PTPRG: variants seen among roughly 807,000 people sequenced by gnomAD.
PTPRG encodes the protein receptor-type tyrosine-protein phosphatase gamma.
PTPRG carries 102 observed loss-of-function variants against 165.3 expected under a neutral mutation model. That is an observed-to-expected ratio of 0.62 (90% CI 0.53 to 0.73). The LOEUF is 0.73. PTPRG is among the 30% of genes least tolerant of loss of function. The pLI is 0.00. For missense variants in PTPRG, 1,866 were observed against 1,861.4 expected (o/e 1.00, Z -0.05); for synonymous variants, 675 against 669.5 (o/e 1.01, Z -0.13).
intron 1 of PTPRG, among the ~76,000 whole-genome samples, chr3:61,619,880 T>G (rs1701400992): frequency 6.6e-6 from 1 of 152,142 alleles, no homozygotes; most frequent in Non-Finnish European, 1.5e-5. Context: ...TGGGTAAACA[T>G]CACCTCTTAA....
rs62243194 is a variant in PTPRG at position 61,840,078 on chromosome 3, A to G, written c.190+91096A>G. Among the ~76,000 whole-genome samples, 491 of 152,314 alleles carry G rather than the reference A, an allele frequency of 3.2e-3. 1 individual carries two copies. The highest frequency in any genetic ancestry group is 0.011 in the African/African-American group (473 of 41,562). On this transcript the variant is annotated intron_variant, in intron 2 of 29. Transcript: ENST00000474889. ...ACACTTATAGTTTATATGCACATATATATTTAGATGTGTGCCTGCATTTTC... is the reference window on the plus strand; with the variant it reads ...ACACTTATAGTTTATATGCACATATGTATTTAGATGTGTGCCTGCATTTTC...
At chr3:61,958,938 C>T (rs1276563107) in intron 2 of PTPRG, among the ~76,000 whole-genome samples, 4 of 152,186 alleles carry the variant, frequency 2.6e-5, no homozygotes, top group Non-Finnish European at 4.4e-5. Flanking sequence ...CTGGGCAGTA[C>T]ATCTAGCCAG....
chr3:61,720,843 T>C (rs2032015129), intron 1 of PTPRG, among the ~76,000 whole-genome samples: 1 of 152,238 alleles, frequency 6.6e-6, no homozygotes, highest in Non-Finnish European at 1.5e-5. Context: ...TTTAGAAATA[T>C]TATCCAGTGG....
chr3:61,782,769 T>G (rs1486147712), intron 2 of PTPRG, among the ~76,000 whole-genome samples: 1 of 152,148 alleles, frequency 6.6e-6, no homozygotes, highest in Non-Finnish European at 1.5e-5. Flanking sequence ...AATAATTGCT[T>G]GAGTCTGGAT....
chr3:61,953,292 A>G lies in PTPRG; in HGVS notation c.191-36333A>G, dbSNP rs531113227. Among the ~76,000 whole-genome samples, 7 of 152,308 alleles carry G rather than the reference A, an allele frequency of 4.6e-5. No individual in the cohort carries two copies. The East Asian group carries it at 9.6e-4, about 21-fold the overall frequency. On this transcript the variant is annotated intron_variant, in intron 2 of 29. Transcript: ENST00000474889. ...ACCCACCCTTGCTCTGCTACTGACA[A>G]TGAAGAATTGCTTGAAAGGGGCAAA... is the stretch of plus-strand genomic sequence containing the variant.
chr3:62,057,683 A>G (rs1196233259), intron 4 of PTPRG, among the ~76,000 whole-genome samples: 2 of 152,198 alleles, frequency 1.3e-5, no homozygotes, highest in South Asian at 2.1e-4. Flanking sequence ...GTGCTGATGT[A>G]TGGGAGTCCA....
chr3:61,973,372 G>A (rs1370345347), intron 2 of PTPRG, among the ~76,000 whole-genome samples: 1 of 152,168 alleles, frequency 6.6e-6, no homozygotes, highest in African/African-American at 2.4e-5. Context: ...ATGGTAGATG[G>A]GAATTGACAT....
At chr3:61,768,107 A>G (rs2034091927) in intron 2 of PTPRG, among the ~76,000 whole-genome samples, 1 of 152,182 alleles carries the variant, frequency 6.6e-6, no homozygotes, top group South Asian at 2.1e-4. Context: ...TTTGTCTGTA[A>G]AATACTAGTC....
intron 2 of PTPRG, among the ~76,000 whole-genome samples, chr3:61,852,534 C>CT (rs2036993114): frequency 6.6e-6 from 1 of 152,164 alleles, no homozygotes; most frequent in African/African-American, 2.4e-5. Context: ...TAGCATCCAG[C>CT]TTCAGTGACG....
intron 2 of PTPRG, among the ~76,000 whole-genome samples, chr3:61,966,044 C>G (rs1034055005): frequency 6.6e-6 from 1 of 152,184 alleles, no homozygotes; most frequent in African/African-American, 2.4e-5. Context: ...CCACAGAATC[C>G]AGATTAGTAG....
At chr3:62,125,307 C>G (rs1429728265) in intron 5 of PTPRG, among the ~76,000 whole-genome samples, 1 of 152,140 alleles carries the variant, frequency 6.6e-6, no homozygotes, top group Non-Finnish European at 1.5e-5. Flanking sequence ...TGTGCCTTGT[C>G]TCTTATATTT....
intron 2 of PTPRG, 183 bp downstream of exon 2, chr3:61,749,165 T>G (rs2033334345): frequency 1.4e-6 from 1 of 692,682 alleles, no homozygotes. Flanking sequence ...TTAATTTATC[T>G]CTACCACCTG....
intron 1 of PTPRG, among the ~76,000 whole-genome samples, chr3:61,590,782 C>T (rs1184889890): frequency 6.6e-6 from 1 of 152,038 alleles, no homozygotes; most frequent in Non-Finnish European, 1.5e-5. Flanking sequence ...ATACATTTAG[C>T]ATAGTCTTTT....
In PTPRG at chr3:61,664,771, C is replaced by T. The variant is rs528848527; in HGVS notation, c.86-84107C>T. On this transcript the variant is annotated intron_variant, in intron 1 of 29. Coordinates refer to ENST00000474889, the MANE Select transcript of PTPRG (RefSeq NM_002841.4). ...CCTTGAGCCTGGGAGGCGGAGGTTG[C>T]GGTGAGCCGAGATCGCGCCATTGCA... 7.9e-5 allele frequency among the ~76,000 whole-genome samples: 12 copies of T among 152,204 alleles called. No homozygotes were observed. In the South Asian group the frequency reaches 1.2e-3, roughly 16 times the overall value.
rs529499670 is a variant in PTPRG, at chr3:61,962,743, A to G, written c.191-26882A>G. 2.4e-4 allele frequency among the ~76,000 whole-genome samples: 36 copies of G among 152,290 alleles called. 1 individual carries two copies. In the South Asian group the frequency reaches 2.9e-3, roughly 12 times the overall value. Reference sequence around the variant, plus strand: ...AGTAAGCATTTTTTGAATGCTTAGTATGTGTCAGGCACTGTTCTAGAAGCT... The same window carrying G: ...AGTAAGCATTTTTTGAATGCTTAGTGTGTGTCAGGCACTGTTCTAGAAGCT... On this transcript the variant is annotated intron_variant, in intron 2 of 29. Coordinates refer to ENST00000474889, the MANE Select transcript of PTPRG (RefSeq NM_002841.4).
intron 4 of PTPRG, among the ~76,000 whole-genome samples, chr3:62,055,690 CT>C (rs1347628148): frequency 6.6e-6 from 1 of 152,178 alleles, no homozygotes; most frequent in African/African-American, 2.4e-5. Context: ...CGCTTTTGTG[CT>C]TTTGCTCTTA....
chr3:62,105,718 G>A (rs1349514695), intron 5 of PTPRG, among the ~76,000 whole-genome samples: 1 of 152,170 alleles, frequency 6.6e-6, no homozygotes, highest in Non-Finnish European at 1.5e-5. Flanking sequence ...GGGCAGTTGA[G>A]GTTCTACAAA....
chr3:61,851,214 G>C (rs560109750), intron 2 of PTPRG, among the ~76,000 whole-genome samples: 9 of 152,246 alleles, frequency 5.9e-5, no homozygotes, highest in African/African-American at 1.9e-4. Context: ...AGGGGAGTTG[G>C]GGAAATCTCT....
At chr3:61,982,179 C>T (rs549503948) in intron 2 of PTPRG, among the ~76,000 whole-genome samples, 70 of 152,248 alleles carry the variant, frequency 4.6e-4, no homozygotes, top group Middle Eastern at 3.4e-3. Context: ...TTGAAAACTT[C>T]AGGTCTGGAA....
Sources: gnomAD v4.1 joint callset for allele counts (sites outside exome capture counted in the v4.1 genomes callset) on GRCh38, gnomAD v4.1.1 for gene constraint, MANE v1.5 for transcripts, NCBI Gene and HGNC (gene_info 2026-07-23, HGNC 2026-07-21) for gene names.